Variants in CRTC1 observed in about 807,000 individuals in gnomAD.
CRTC1 encodes the protein CREB-regulated transcription coactivator 1.
A neutral mutation model predicts 66.1 loss-of-function variants in CRTC1; 18 were observed. The ratio of observed to expected loss-of-function variants is 0.27; its 90% CI spans 0.19 to 0.40. The LOEUF is 0.40. CRTC1 is among the 10% of genes least tolerant of loss of function. CRTC1 has a pLI of 1.00. For synonymous variants in CRTC1, 416 were observed against 398.8 expected (o/e 1.04, Z -0.51); for missense variants, 669 against 887.9 (o/e 0.75, Z 3.13).
At chr19:18,748,731 A>G (rs2054300426) in intron 4 of CRTC1, among the ~76,000 whole-genome samples, 1 of 151,136 alleles carries the variant, frequency 6.6e-6, no homozygotes, top group African/African-American at 2.4e-5. Flanking sequence ...ATATACATAC[A>G]TACACACGCA....
At chr19:18,720,559 G>A (rs1230920064) in intron 1 of CRTC1, among the ~76,000 whole-genome samples, 4 of 148,952 alleles carry the variant, frequency 2.7e-5, no homozygotes, top group Non-Finnish European at 5.9e-5. Flanking sequence ...GCAGAGATGG[G>A]GTTTCACCAT....
chr19:18,719,438 G>A (rs2053574106), intron 1 of CRTC1, among the ~76,000 whole-genome samples: 1 of 152,200 alleles, frequency 6.6e-6, no homozygotes, highest in South Asian at 2.1e-4. Flanking sequence ...GGTACCAGGT[G>A]GGCCCCGGCA....
At chr19:18,739,214 G>T (rs1300549091) in intron 1 of CRTC1, among the ~76,000 whole-genome samples, 1 of 152,222 alleles carries the variant, frequency 6.6e-6, no homozygotes, top group Non-Finnish European at 1.5e-5. Context: ...CCATGGGGAT[G>T]GTGTGGAGAT....
intron 1 of CRTC1, among the ~76,000 whole-genome samples, chr19:18,708,631 C>T (rs975568931): frequency 6.6e-6 from 1 of 152,144 alleles, no homozygotes; most frequent in African/African-American, 2.4e-5. Context: ...AGTTAGCTGA[C>T]AGTAAGGAGT....
Position 18,760,029 on chromosome 19 carries a change from G to C in CRTC1, c.687G>C (p.Gln229His). The C allele has an allele frequency of 6.3e-7, 1 of 1,577,558 alleles. No individual in the cohort carries two copies. The highest frequency in any genetic ancestry group is 8.7e-7 in the Non-Finnish European group (1 of 1,154,036). ...PGINIFPSAD[Q>H]ENTTALIPAT... is the part of the protein sequence containing the mutation. ...CCAGCATCTTCCCGTCTGCCGACCA[G>C]GAAAACACTACAGCCCTGATCCCCG... Residue 229 changes from glutamine (Q) to histidine (H), a missense_variant, in exon 8 of 14, where the codon CAG (glutamine) becomes CAC (histidine). Gln to His is a conservative substitution (Grantham distance 24). Transcript: ENST00000321949. The surrounding 1 kb of genome is among the most constrained non-coding windows in gnomAD (Gnocchi z 6.2).
intron 1 of CRTC1, among the ~76,000 whole-genome samples, chr19:18,713,802 C>T (rs1223606200): frequency 6.6e-6 from 1 of 152,244 alleles, no homozygotes; most frequent in African/African-American, 2.4e-5. Flanking sequence ...CACCCAGCTG[C>T]ACGCGCGGGG....
intron 10 of CRTC1, among the ~76,000 whole-genome samples, chr19:18,770,724 T>TG (rs2054843532): frequency 1.3e-5 from 2 of 151,820 alleles, no homozygotes; most frequent in East Asian, 3.9e-4. Flanking sequence ...TATGTGGACA[T>TG]TTGTGTGTGG....
At chr19:18,751,539 G>A (rs1055993453) in intron 5 of CRTC1, among the ~76,000 whole-genome samples, 11 of 151,974 alleles carry the variant, frequency 7.2e-5, no homozygotes, top group Non-Finnish European at 1.3e-4. Flanking sequence ...AAAGAAAAAA[G>A]AAAATGGGGA....
rs739851 is a variant in CRTC1, at chr19:18,700,461, C to T, written c.126+16633C>T. The stretch of plus-strand genomic sequence containing the variant: ...GCCGCCCTTCTCTTCCCTTTCCTGC[C>T]GGGGCTCTTGCTGCAGAGAAGCTCT... On this transcript the variant is annotated intron_variant, in intron 1 of 13. Transcript: ENST00000321949. 6.9e-3 allele frequency among the ~76,000 whole-genome samples: 1,052 copies of T among 151,716 alleles called. 4 individuals carry two copies. Among genetic ancestry groups the T allele is most frequent in the Non-Finnish European group, 0.011 (738 of 67,956 alleles).
intron 1 of CRTC1, among the ~76,000 whole-genome samples, chr19:18,724,627 C>G (rs1176370202): frequency 6.6e-6 from 1 of 150,584 alleles, no homozygotes; most frequent in Non-Finnish European, 1.5e-5. Context: ...TCCAGCCGTT[C>G]CTTGGCTTGT....
intron 5 of CRTC1, among the ~76,000 whole-genome samples, chr19:18,751,030 G>A (rs1354584203): frequency 1.3e-5 from 2 of 152,164 alleles, no homozygotes; most frequent in Non-Finnish European, 2.9e-5. Flanking sequence ...TGGTGGCCTT[G>A]GAGTGGGGGC....
At chr19:18,735,160 CA>C (rs2053970690) in intron 1 of CRTC1, among the ~76,000 whole-genome samples, 1 of 152,188 alleles carries the variant, frequency 6.6e-6, no homozygotes, top group Non-Finnish European at 1.5e-5. Context: ...GTCCACAAGT[CA>C]GGGGCAGAAG....
At chr19:18,739,289 T>C (rs928431006) in intron 1 of CRTC1, among the ~76,000 whole-genome samples, 6 of 152,158 alleles carry the variant, frequency 3.9e-5, no homozygotes, top group Non-Finnish European at 7.4e-5. Context: ...TGCTGTGGCA[T>C]CCCAGGAGCT....
rs56040769 is a variant in CRTC1 at position 18,747,129 on chromosome 19, A to ACCCCCCCCCCCCCCCCC, written c.443+25_443+26insCCCCCCCCCCCCCCCCC. On this transcript the variant is annotated intron_variant, in intron 4 of 13. Coordinates refer to ENST00000321949, the MANE Select transcript of CRTC1 (RefSeq NM_015321.3). ...AGCTGGAGAAGGTCAGTGGCTGGAC[A>ACCCCCCCCCCCCCCCCC]CCCCCCCCCCGCCCCCTTCTTGTTG... The ACCCCCCCCCCCCCCCCC allele has an allele frequency of 1.3e-5, 14 of 1,109,946 alleles. No individual in the cohort carries two copies. Among genetic ancestry groups the ACCCCCCCCCCCCCCCCC allele is most frequent in the African/African-American group, 4.3e-5 (2 of 46,352 alleles). 68.8% of individuals were successfully genotyped at this position (1,109,946 alleles called of 1,614,324 possible).
Position 18,760,060 on chromosome 19 carries a change from C to G in CRTC1, c.718C>G (p.His240Asp). The G allele has an allele frequency of 6.2e-7, 1 of 1,612,412 alleles. No individual in the cohort carries two copies. ...CACTACAGCCCTGATCCCCGCCACC[C>G]ACAACACAGGGGGGTCCCTGCCCGA... ...ENTTALIPAT[H>D]NTGGSLPDLT... is the part of the protein sequence containing the mutation. Residue 240 changes from histidine (H) to aspartate (D), a missense_variant, in exon 8 of 14, where the codon CAC (histidine) becomes GAC (aspartate). Coordinates refer to ENST00000321949, the MANE Select transcript of CRTC1 (RefSeq NM_015321.3). The surrounding 1 kb of genome is among the most constrained non-coding windows in gnomAD (Gnocchi z 6.2).
chr19:18,690,689 C>T (rs946733353), intron 1 of CRTC1, among the ~76,000 whole-genome samples: 2 of 152,070 alleles, frequency 1.3e-5, no homozygotes, highest in Non-Finnish European at 2.9e-5. Flanking sequence ...ATGAGATCAT[C>T]CTGGGGGGGT....
chr19:18,714,949 G>C (rs952385640), intron 1 of CRTC1, among the ~76,000 whole-genome samples: 2 of 152,270 alleles, frequency 1.3e-5, no homozygotes, highest in Non-Finnish European at 2.9e-5. Context: ...TGCCTGTTCA[G>C]GGACCTTTCA....
In CRTC1 at chr19:18,728,815, C is replaced by CTTTTTTTTTTTTTTTTTTTTTTTTTT. The variant is rs35465891; in HGVS notation, c.127-14080_127-14079insTTTTTTTTTTTTTTTTTTTTTTTTTT. Among the ~76,000 whole-genome samples the CTTTTTTTTTTTTTTTTTTTTTTTTTT allele has an allele frequency of 2.6e-4, 21 of 79,368 alleles. 2 individuals are homozygous for CTTTTTTTTTTTTTTTTTTTTTTTTTT. The highest frequency in any genetic ancestry group is 7.3e-4 in the East Asian group (1 of 1,366). The allele number at this position is 79,368 out of a possible 152,430, so 52.1% of individuals were successfully genotyped here. On this transcript the variant is annotated intron_variant, in intron 1 of 13. Transcript: ENST00000321949. ...ACAGGTGTGAGCCACCTCACCTGGC[C>CTTTTTTTTTTTTTTTTTTTTTTTTTT]TTTTTTTTTTTTTTTGAGACAGAGT...
intron 4 of CRTC1, 124 bp downstream of exon 4, chr19:18,747,238 C>T: frequency 1.5e-6 from 1 of 685,942 alleles, no homozygotes; most frequent in South Asian, 1.9e-5. Context: ...AAGATGCATC[C>T]AGAAGTTTCT....
Sources: gnomAD v4.1 joint callset for allele counts (sites outside exome capture counted in the v4.1 genomes callset) on GRCh38, gnomAD v4.1.1 for gene constraint, Gnocchi (gnomAD v3.1) non-coding constraint, MANE v1.5 for transcripts, NCBI Gene and HGNC (gene_info 2026-07-23, HGNC 2026-07-21) for gene names.